Variants in UGGT1 observed in about 807,000 individuals in gnomAD.
The protein encoded by UGGT1 is UDP-glucose glycoprotein glucosyltransferase 1.
A neutral mutation model predicts 203.9 loss-of-function variants in UGGT1; 107 were observed. The ratio of observed to expected loss-of-function variants is 0.52; its 90% CI spans 0.45 to 0.62. The LOEUF (loss-of-function observed/expected upper bound fraction) is 0.62, where lower values mean the gene tolerates loss of function less well. Among genes scored for constraint, UGGT1 ranks in the 20% least tolerant of loss-of-function variants. UGGT1 has a pLI of 0.00. For synonymous variants in UGGT1, 628 were observed against 653.5 expected (o/e 0.96, Z 0.59); for missense variants, 1,673 against 1,867.2 (o/e 0.90, Z 1.92).
rs753495793 is a variant in UGGT1, at chr2:128,186,706, T to A, written c.4383T>A (p.His1461Gln). The change falls in exon 39 of 41, where the codon CAT becomes CAA. Residue 1461 changes from histidine to glutamine, a missense_variant. His to Gln is a conservative substitution (Grantham distance 24, BLOSUM62 0). Coordinates refer to ENST00000259253, the MANE Select transcript of UGGT1 (RefSeq NM_020120.4). ...LDQDLPNNMI[H>Q]QVPIKSLPQE... ...AGGATCTGCCCAATAACATGATTCATCAGGTGCCAATTAAATCCCTCCCTC... is the reference window on the plus strand; with the variant it reads ...AGGATCTGCCCAATAACATGATTCAACAGGTGCCAATTAAATCCCTCCCTC... 11 of 1,613,690 alleles carry A rather than the reference T, an allele frequency of 6.8e-6. No homozygotes were observed. Among genetic ancestry groups the A allele is most frequent in the Non-Finnish European group, 9.3e-6 (11 of 1,179,736 alleles).
chr2:128,164,717 C>T lies in UGGT1; in HGVS notation c.2826-13C>T. ...TAAAAAGATGTTAAGATTTCTCTAACCCCTTCTTTCAGGGCAAGCGACTTG... is the reference window on the plus strand; with the variant it reads ...TAAAAAGATGTTAAGATTTCTCTAATCCCTTCTTTCAGGGCAAGCGACTTG... On this transcript the variant is annotated splice_polypyrimidine_tract_variant and intron_variant, in intron 25 of 40. Coordinates refer to ENST00000259253, the MANE Select transcript of UGGT1 (RefSeq NM_020120.4). 1 of 1,611,504 alleles carries T rather than the reference C, an allele frequency of 6.2e-7. No homozygotes were observed. The highest frequency in any genetic ancestry group is 8.5e-7 in the Non-Finnish European group (1 of 1,177,714).
intron 26 of UGGT1, among the ~76,000 whole-genome samples, chr2:128,167,662 A>T (rs1433290235): frequency 6.6e-6 from 1 of 152,222 alleles, no homozygotes; most frequent in African/African-American, 2.4e-5. Context: ...ATAATCTCCA[A>T]ATCTTGTTCC....
intron 3 of UGGT1, among the ~76,000 whole-genome samples, chr2:128,104,745 C>G (rs1024842881): frequency 6.6e-6 from 1 of 152,140 alleles, no homozygotes; most frequent in African/African-American, 2.4e-5. Context: ...CTCCCAGGTT[C>G]AATCATTTCT....
rs766081153 is a variant in UGGT1 at position 128,160,509 on chromosome 2, A to C, written c.2612A>C (p.Asp871Ala). The change falls in exon 24 of 41, where the codon GAT (aspartate) becomes GCT (alanine). Residue 871 changes from aspartate to alanine, a missense_variant. Around this residue, in one of 4 missense-constraint regions of UGGT1, gnomAD observed 1,073 missense variants for 1,078.7 expected, o/e 0.99. Coordinates refer to ENST00000259253, the MANE Select transcript of UGGT1 (RefSeq NM_020120.4). ...FKEVFESSKM[D>A]FILSHAVYCR... ...GAGGTCTTTGAGTCTTCCAAAATGG[A>C]TTTCATTTTGTCTCATGCCGTGTAC... 6.2e-7 allele frequency: 1 copy of C among 1,612,726 alleles called. No individual in the cohort carries two copies. Among genetic ancestry groups the C allele is most frequent in the Non-Finnish European group, 8.5e-7 (1 of 1,179,646 alleles).
intron 17 of UGGT1, chr2:128,145,525 TACAC>T (rs933417384): frequency 3.2e-4 from 19 of 59,390 alleles, no homozygotes; most frequent in African/African-American, 2.2e-3. Flanking sequence ...CACACACACA[TACAC>T]AAACACACGT....
rs1486075814 is a variant in UGGT1, at chr2:128,129,140, G to T, written c.1338G>T (p.Glu446Asp). 6.2e-7 allele frequency: 1 copy of T among 1,613,894 alleles called. No homozygotes were observed. Among genetic ancestry groups the T allele is most frequent in the East Asian group, 2.2e-5 (1 of 44,856 alleles). ...NVLKLNIQPS[E>D]ADYAVDIRSP... ...TGAAGCTGAACATCCAGCCCTCTGAGGCAGACTATGCCGTAGACATCCGGA... is the reference window on the plus strand; with the variant it reads ...TGAAGCTGAACATCCAGCCCTCTGATGCAGACTATGCCGTAGACATCCGGA... The change falls in exon 13 of 41, where the codon GAG (glutamate) becomes GAT (aspartate). Residue 446 changes from glutamate to aspartate, a missense_variant. Physicochemically the swap from Glu to Asp is conservative, Grantham distance 45. This residue lies in a region of UGGT1 where 1,073 missense variants were observed against 1,078.7 expected (regional missense o/e 0.99). Transcript: ENST00000259253.
At chr2:128,117,546 CTT>C (rs10694331) in intron 8 of UGGT1, among the ~76,000 whole-genome samples, 3 of 137,484 alleles carry the variant, frequency 2.2e-5, no homozygotes, top group Non-Finnish European at 3.1e-5. Flanking sequence ...AACTGTTATT[CTT>C]TTTTTTTTTT....
At position 128,104,026 on chromosome 2, in the gene UGGT1, G is replaced by A. The variant is rs367813718; in HGVS notation, c.277+12G>A. The A allele has an allele frequency of 1.0e-5, 16 of 1,530,490 alleles. No homozygotes were observed. Among genetic ancestry groups the A allele is most frequent in the African/African-American group, 2.8e-5 (2 of 70,716 alleles). The allele number at this position is 1,530,490 out of a possible 1,614,324, so 94.8% of individuals were successfully genotyped here. A position where few individuals can be genotyped will look rare whatever the true frequency, so the allele number is the denominator to read the frequency against. ...ATCAGATCATGACGGTAAAATTGAA[G>A]CAAATGCTTCTTTGACTTTGGTGTC... On this transcript the variant is annotated intron_variant, in intron 3 of 40. Coordinates refer to ENST00000259253, the MANE Select transcript of UGGT1 (RefSeq NM_020120.4).
rs1692387540 is a variant in UGGT1 at position 128,193,757 on chromosome 2, G to A, written c.*4015G>A. 1.3e-5 allele frequency: 2 copies of A among 152,276 alleles called. No individual in the cohort carries two copies. Among genetic ancestry groups the A allele is most frequent in the South Asian group, 4.1e-4 (2 of 4,826 alleles). The allele number at this position is 152,276 out of a possible 1,614,324, so 9.4% of individuals were successfully genotyped here. A position where few individuals can be genotyped will look rare whatever the true frequency, so the allele number is the denominator to read the frequency against. ...ACTGACCCCGTGACTTGGACAGTCA[G>A]ACATCACCCTGAGAGTGACAAGTGT... On this transcript the variant is annotated 3_prime_UTR_variant, in exon 41 of 41. Transcript: ENST00000259253.
chr2:128,183,831 T>TA, intron 38 of UGGT1, 42 bp downstream of exon 38: 1 of 1,468,790 alleles, frequency 6.8e-7, no homozygotes, highest in Non-Finnish European at 9.5e-7. Context: ...GTGACGGGTA[T>TA]ACAGTGTTGC....
intron 22 of UGGT1, among the ~76,000 whole-genome samples, chr2:128,158,507 G>A (rs1395334145): frequency 3.3e-5 from 5 of 152,138 alleles, no homozygotes; most frequent in Admixed American, 2.0e-4. Context: ...CCAATCTTTT[G>A]TAAGATTTAT....
At chr2:128,146,567 TTAATATA>T (rs1442252740) in intron 18 of UGGT1, among the ~76,000 whole-genome samples, 1 of 151,196 alleles carries the variant, frequency 6.6e-6, no homozygotes, top group Non-Finnish European at 1.5e-5. Flanking sequence ...TATATAAATA[TTAATATA>T]TATAGTTCTT....
At chr2:128,146,111 C>A in intron 18 of UGGT1, 144 bp downstream of exon 18, 1 of 951,664 alleles carries the variant, frequency 1.1e-6, no homozygotes, top group Non-Finnish European at 1.5e-6. Flanking sequence ...AAGTCTGAGA[C>A]CAACCTGGGC....
At chr2:128,183,578 A>G (rs1691818420) in intron 37 of UGGT1, 97 bp from the exon 38 acceptor site, 1 of 835,156 alleles carries the variant, frequency 1.2e-6, no homozygotes, top group African/African-American at 1.7e-5. Flanking sequence ...AAGAAAAGCC[A>G]GAATATTTGG....
At chr2:128,177,000 C>A in intron 32 of UGGT1, 102 bp downstream of exon 32, 1 of 1,146,318 alleles carries the variant, frequency 8.7e-7, no homozygotes, top group Non-Finnish European at 1.3e-6. Context: ...TTTGCTATGG[C>A]AATTATAGGG....
intron 2 of UGGT1, among the ~76,000 whole-genome samples, chr2:128,102,395 C>T (rs1687418046): frequency 6.6e-6 from 1 of 152,176 alleles, no homozygotes; most frequent in South Asian, 2.1e-4. Flanking sequence ...CCACCCACCT[C>T]AGCCTCCCAA....
intron 15 of UGGT1, among the ~76,000 whole-genome samples, chr2:128,137,049 T>C (rs1173438658): frequency 2.0e-5 from 3 of 152,228 alleles, no homozygotes; most frequent in African/African-American, 7.2e-5. Context: ...CTTTTCTTTT[T>C]TCTTCTTTTT....
chr2:128,124,226 A>G (rs920455108), intron 11 of UGGT1, among the ~76,000 whole-genome samples: 2 of 152,188 alleles, frequency 1.3e-5, no homozygotes, highest in African/African-American at 2.4e-5. Flanking sequence ...GATTACAGGC[A>G]TGAGCCACCG....
At chr2:128,181,256 C>A (rs1479570370) in intron 36 of UGGT1, among the ~76,000 whole-genome samples, 184 bp downstream of exon 36, 4 of 152,186 alleles carry the variant, frequency 2.6e-5, no homozygotes, top group African/African-American at 9.7e-5. Context: ...TCCTTTACAT[C>A]TTTTTCTCTG....
Sources: gnomAD v4.1 joint callset for allele counts (sites outside exome capture counted in the v4.1 genomes callset) on GRCh38, gnomAD v4.1.1 for gene constraint, gnomAD v4.1.1 regional missense constraint, MANE v1.5 for transcripts, NCBI Gene and HGNC (gene_info 2026-07-23, HGNC 2026-07-21) for gene names.